Variants in EDIL3 observed in about 807,000 individuals in gnomAD.
EDIL3 encodes the protein EGF-like repeat and discoidin I-like domain-containing protein 3.
A neutral mutation model predicts 67.4 loss-of-function variants in EDIL3; 37 were observed. The ratio of observed to expected loss-of-function variants is 0.55; its 90% CI spans 0.42 to 0.72. The LOEUF is 0.72. Ranked by LOEUF, EDIL3 falls within the 30% of genes least tolerant of loss-of-function variation. EDIL3 has a pLI of 0.00. For missense variants in EDIL3, 527 were observed against 586.3 expected (o/e 0.90, Z 1.04); for synonymous variants, 195 against 196.3 (o/e 0.99, Z 0.05).
intron 9 of EDIL3, among the ~76,000 whole-genome samples, chr5:84,001,553 GCCAAAAAAAAAGAGACAAGAC>G (rs939227268): frequency 9.9e-5 from 15 of 151,052 alleles, no homozygotes; most frequent in Non-Finnish European, 3.0e-5. Context: ...CTCCCCCACT[GCCAAAAAAAAAGAGACAAGAC>G]CCAAATAAAT....
At chr5:84,124,109 ACTTATCCAGGT>A (rs1437399618) in intron 5 of EDIL3, among the ~76,000 whole-genome samples, 1 of 151,898 alleles carries the variant, frequency 6.6e-6, no homozygotes, top group Admixed American at 6.6e-5. Context: ...CAAATGCCCA[ACTTATCCAGGT>A]ATGCATAAAA....
chr5:84,189,406 A>G (rs1330301725), intron 3 of EDIL3, among the ~76,000 whole-genome samples: 1 of 151,998 alleles, frequency 6.6e-6, no homozygotes, highest in Non-Finnish European at 1.5e-5. Context: ...TTTCTGAGAA[A>G]GTCTTTATAT....
rs1414125240 is a variant in EDIL3, at chr5:84,302,038, T to G, written c.68-47826A>C. ...TGTTAAAAACCGATAAAAATATTTT[T>G]CTTTATAAAGAGTATTGACTATACA... On this transcript the variant is annotated intron_variant, in intron 1 of 10. Transcript: ENST00000296591. 2.6e-5 allele frequency among the ~76,000 whole-genome samples: 4 copies of G among 152,286 alleles called. No individual in the cohort carries two copies. The South Asian group carries it at 8.3e-4, about 32-fold the overall frequency.
intron 6 of EDIL3, among the ~76,000 whole-genome samples, chr5:84,093,112 C>T (rs1010278388): frequency 6.6e-6 from 1 of 151,926 alleles, no homozygotes; most frequent in Non-Finnish European, 1.5e-5. Flanking sequence ...ACATAGTAAA[C>T]TGAGTCGCCA....
intron 6 of EDIL3, among the ~76,000 whole-genome samples, chr5:84,086,837 G>A (rs1213928662): frequency 6.6e-6 from 1 of 152,084 alleles, no homozygotes; most frequent in East Asian, 1.9e-4. Flanking sequence ...ATAAATCAGG[G>A]CCCCAGGTAT....
At chr5:84,062,636 A>G (rs1445315244) in intron 8 of EDIL3, among the ~76,000 whole-genome samples, 1 of 152,168 alleles carries the variant, frequency 6.6e-6, no homozygotes, top group Non-Finnish European at 1.5e-5. Flanking sequence ...CTTTCAGTGT[A>G]TTTAGGAGAT....
At chr5:84,291,295 T>C (rs1745908980) in intron 1 of EDIL3, among the ~76,000 whole-genome samples, 1 of 152,272 alleles carries the variant, frequency 6.6e-6, no homozygotes, top group Admixed American at 6.5e-5. Context: ...TTTAATTTTA[T>C]TTTAGCTATA....
rs557532435 is a variant in EDIL3, at chr5:83,969,946, C to T, written c.1138-6586G>A. ...TTGAAACCATATAATATATTACAGT[C>T]AACTATAGTCATCTGACAGTGGTAT... On this transcript the variant is annotated intron_variant, in intron 9 of 10. Transcript: ENST00000296591. 4.0e-5 allele frequency among the ~76,000 whole-genome samples: 6 copies of T among 151,610 alleles called. No homozygotes were observed. In the East Asian group the frequency reaches 1.2e-3, roughly 29 times the overall value.
chr5:83,966,853 G>C (rs1744699701), intron 9 of EDIL3, among the ~76,000 whole-genome samples: 1 of 152,038 alleles, frequency 6.6e-6, no homozygotes, highest in South Asian at 2.1e-4. Context: ...CTTGTTAGAA[G>C]GAAATGGATA....
At chr5:83,991,631 T>C (rs1745153218) in intron 9 of EDIL3, among the ~76,000 whole-genome samples, 1 of 152,276 alleles carries the variant, frequency 6.6e-6, no homozygotes, top group South Asian at 2.1e-4. Flanking sequence ...ACATAGTAAG[T>C]ATCGTGGCGA....
At chr5:84,187,835 C>G (rs1322966999) in intron 3 of EDIL3, among the ~76,000 whole-genome samples, 1 of 151,904 alleles carries the variant, frequency 6.6e-6, no homozygotes, top group East Asian at 1.9e-4. Context: ...GCTTCTCATC[C>G]TGCTCTTTTT....
chr5:84,197,956 T>C (rs1303512410), intron 3 of EDIL3, among the ~76,000 whole-genome samples: 1 of 152,042 alleles, frequency 6.6e-6, no homozygotes, highest in Non-Finnish European at 1.5e-5. Context: ...ATAGATTCTA[T>C]TTCCTCTAAA....
intron 6 of EDIL3, among the ~76,000 whole-genome samples, chr5:84,081,310 C>T (rs1232198493): frequency 6.6e-6 from 1 of 152,098 alleles, no homozygotes; most frequent in East Asian, 1.9e-4. Context: ...ACTGGGGCTA[C>T]ATGGTTTTGA....
At chr5:84,325,572 G>A (rs1428291096) in intron 1 of EDIL3, among the ~76,000 whole-genome samples, 1 of 151,966 alleles carries the variant, frequency 6.6e-6, no homozygotes, top group Non-Finnish European at 1.5e-5. Flanking sequence ...GTGGAAAATC[G>A]TATTGTGGCT....
chr5:83,988,332 A>C (rs1745091658), intron 9 of EDIL3, among the ~76,000 whole-genome samples: 1 of 152,180 alleles, frequency 6.6e-6, no homozygotes, highest in African/African-American at 2.4e-5. Flanking sequence ...TTGAAAGACA[A>C]ATGCAAGTCA....
At chr5:84,207,276 T>C (rs527795414) in intron 3 of EDIL3, among the ~76,000 whole-genome samples, 406 of 152,266 alleles carry the variant, frequency 2.7e-3, no homozygotes, top group Non-Finnish European at 3.8e-3. Context: ...AGCCAAATGA[T>C]GAGTGAACTC....
intron 1 of EDIL3, among the ~76,000 whole-genome samples, chr5:84,262,222 C>A (rs1301554296): frequency 6.6e-6 from 1 of 152,108 alleles, no homozygotes; most frequent in African/African-American, 2.4e-5. Flanking sequence ...CATGCCCAGT[C>A]CAGTTAAATC....
chr5:84,138,147 C>T lies in EDIL3; in HGVS notation c.356-793G>A, dbSNP rs76714174. Among the ~76,000 whole-genome samples, 1,255 of 152,304 alleles carry T rather than the reference C, an allele frequency of 8.2e-3. 11 individuals carry two copies. Among genetic ancestry groups the T allele is most frequent in the African/African-American group, 0.028 (1,167 of 41,558 alleles). ...CATTCCCTTTTAGCAAAGCACCATG[C>T]TGGATTCTGTGGGAGCCAGTACAGT... On this transcript the variant is annotated intron_variant, in intron 4 of 10. Transcript: ENST00000296591.
At chr5:84,323,942 A>T (rs949937194) in intron 1 of EDIL3, among the ~76,000 whole-genome samples, 1 of 151,976 alleles carries the variant, frequency 6.6e-6, no homozygotes, top group African/African-American at 2.4e-5. Context: ...TTGAAGGGAA[A>T]AATAGACAGT....
Sources: allele counts gnomAD v4.1 joint callset (sites outside exome capture counted in the v4.1 genomes callset), GRCh38; gene constraint gnomAD v4.1.1; transcripts MANE v1.5; gene names NCBI Gene and HGNC (gene_info 2026-07-23, HGNC 2026-07-21).